The following FRMD5 variants were observed in gnomAD, a reference collection of about 807,000 sequenced individuals.
FRMD5 encodes FERM domain-containing protein 5.
FRMD5 carries 20 observed loss-of-function variants against 69.0 expected under a neutral mutation model. That is an observed-to-expected ratio of 0.29 (90% CI 0.20 to 0.42). FRMD5 has a LOEUF of 0.42. Ranked by LOEUF, FRMD5 falls within the 10% of genes least tolerant of loss-of-function variation. The pLI is 1.00. For synonymous variants in FRMD5, 271 were observed against 260.1 expected (o/e 1.04, Z -0.40); for missense variants, 595 against 708.6 (o/e 0.84, Z 1.82).
At chr15:43,915,655 A>G (rs969509015) in intron 4 of FRMD5, among the ~76,000 whole-genome samples, 1 of 152,184 alleles carries the variant, frequency 6.6e-6, no homozygotes, top group Non-Finnish European at 1.5e-5. Flanking sequence ...AAATCTGTTT[A>G]TTACTTTAAA....
intron 1 of FRMD5, among the ~76,000 whole-genome samples, chr15:44,024,913 A>G (rs1365202707): frequency 6.6e-6 from 1 of 152,186 alleles, no homozygotes; most frequent in East Asian, 1.9e-4. Context: ...TCCTCACTCA[A>G]TTCATAAGTG....
At chr15:44,092,743 TC>T (rs1388441271) in intron 1 of FRMD5, among the ~76,000 whole-genome samples, 9 of 152,064 alleles carry the variant, frequency 5.9e-5, no homozygotes, top group Admixed American at 2.0e-4. Context: ...CAGAATCCTC[TC>T]CCACCTCTAC....
At chr15:44,131,720 T>C (rs1359958120) in intron 1 of FRMD5, among the ~76,000 whole-genome samples, 1 of 44,448 alleles carries the variant, frequency 2.2e-5, no homozygotes, top group African/African-American at 4.5e-5. Flanking sequence ...AATCCACCTA[T>C]ATAAGGTACT....
chr15:44,044,818 T>C (rs936904428), intron 1 of FRMD5, among the ~76,000 whole-genome samples: 5 of 152,136 alleles, frequency 3.3e-5, no homozygotes, highest in Non-Finnish European at 5.9e-5. Flanking sequence ...TGTAAATGAC[T>C]GGTTGATGGG....
intron 1 of FRMD5, among the ~76,000 whole-genome samples, chr15:43,926,128 A>G (rs2089581156): frequency 6.6e-6 from 1 of 152,238 alleles, no homozygotes; most frequent in South Asian, 2.1e-4. Context: ...AAGGTTTGCT[A>G]AAAGATTTCA....
intron 1 of FRMD5, among the ~76,000 whole-genome samples, chr15:43,993,500 A>G (rs1889782507): frequency 6.6e-6 from 1 of 152,110 alleles, no homozygotes; most frequent in Admixed American, 6.5e-5. Flanking sequence ...GCCCTAATAT[A>G]TTATTTACCC....
intron 1 of FRMD5, among the ~76,000 whole-genome samples, chr15:44,139,633 G>A (rs1447814856): frequency 1.4e-5 from 2 of 140,174 alleles, no homozygotes; most frequent in South Asian, 2.4e-4. Context: ...GGCTCATGCT[G>A]TAATTCCAGC....
intron 13 of FRMD5, among the ~76,000 whole-genome samples, chr15:43,878,635 C>T (rs142067067): frequency 6.6e-5 from 10 of 152,326 alleles, no homozygotes; most frequent in Non-Finnish European, 1.3e-4. Context: ...CAGCATATTG[C>T]TTGCTTGGCT....
intron 1 of FRMD5, among the ~76,000 whole-genome samples, chr15:43,951,961 A>ATGTGTGTGTGTGTGTGTGTTG (rs1327153631): frequency 9.0e-6 from 1 of 111,684 alleles, no homozygotes; most frequent in South Asian, 2.7e-4. Context: ...CTGTATGTGC[A>ATGTGTGTGTGTGTGTGTGTTG]TGTGTGTGTG....
chr15:43,892,248 C>T (rs1363941937), intron 7 of FRMD5, among the ~76,000 whole-genome samples, 179 bp from the exon 8 acceptor site: 3 of 152,210 alleles, frequency 2.0e-5, no homozygotes, highest in African/African-American at 4.8e-5. Context: ...TTGCCAGCCG[C>T]ATGACTACAG....
intron 1 of FRMD5, chr15:43,989,861 C>T (rs1319400312): frequency 9.7e-7 from 1 of 1,026,402 alleles, no homozygotes; most frequent in Non-Finnish European, 1.5e-6. Context: ...CTCAGGGGGA[C>T]CTTGGTCAGC....
At chr15:44,062,242 T>C (rs1393030863) in intron 1 of FRMD5, among the ~76,000 whole-genome samples, 1 of 152,198 alleles carries the variant, frequency 6.6e-6, no homozygotes, top group Non-Finnish European at 1.5e-5. Flanking sequence ...TTTATAAAAA[T>C]TTAAGTCCCA....
intron 1 of FRMD5, among the ~76,000 whole-genome samples, chr15:43,964,891 T>C (rs1440158006): frequency 6.6e-6 from 1 of 151,938 alleles, no homozygotes; most frequent in African/African-American, 2.4e-5. Flanking sequence ...AGACTCGGAG[T>C]TGGCAAACTT....
Position 44,069,135 on chromosome 15 carries a change from C to A in FRMD5, c.102+125818G>T, listed in dbSNP as rs76391019. Among the ~76,000 whole-genome samples, 1,200 of 152,268 alleles carry A rather than the reference C, an allele frequency of 7.9e-3. 16 individuals are homozygous for A. Among genetic ancestry groups the A allele is most frequent in the African/African-American group, 0.028 (1,159 of 41,542 alleles). ...AACTTAAAACCATGAAATATCACTACACACCTATCAGGATGGCTAAAATAA... is the reference window on the plus strand; with the variant it reads ...AACTTAAAACCATGAAATATCACTAAACACCTATCAGGATGGCTAAAATAA... On this transcript the variant is annotated intron_variant, in intron 1 of 13. Coordinates refer to ENST00000417257, the MANE Select transcript of FRMD5 (RefSeq NM_032892.5).
intron 1 of FRMD5, among the ~76,000 whole-genome samples, chr15:44,167,139 T>C (rs1263941365): frequency 1.3e-5 from 2 of 152,184 alleles, no homozygotes; most frequent in Non-Finnish European, 2.9e-5. Context: ...TCATATTGGC[T>C]GCCCAGAGCG....
At chr15:44,183,389 G>T (rs755700150) in intron 1 of FRMD5, among the ~76,000 whole-genome samples, 4 of 152,178 alleles carry the variant, frequency 2.6e-5, no homozygotes, top group Admixed American at 6.5e-5. Flanking sequence ...TGTGAAAGAT[G>T]TGAATGGGCC....
At chr15:43,924,340 G>T in intron 1 of FRMD5, 31 bp from the exon 2 acceptor site, 1 of 1,509,196 alleles carries the variant, frequency 6.6e-7, no homozygotes, top group South Asian at 1.2e-5. Flanking sequence ...ATTGAGAAAT[G>T]AGTGGGTTTC....
intron 1 of FRMD5, among the ~76,000 whole-genome samples, chr15:43,928,386 T>G (rs1003767981): frequency 1.3e-5 from 2 of 152,190 alleles, no homozygotes; most frequent in African/African-American, 4.8e-5. Context: ...TAGAATCAAC[T>G]TAGAGCTCTG....
At chr15:43,910,572 C>CAAAAAA (rs1167867396) in intron 4 of FRMD5, among the ~76,000 whole-genome samples, 1,251 of 40,170 alleles carry the variant, frequency 0.031, 85 homozygotes, top group African/African-American at 0.047. Flanking sequence ...GACCTTGTCT[C>CAAAAAA]AAAAAAAAAA....
Sources: allele counts gnomAD v4.1 joint callset (sites outside exome capture counted in the v4.1 genomes callset), GRCh38; gene constraint gnomAD v4.1.1; transcripts MANE v1.5; gene names NCBI Gene and HGNC (gene_info 2026-07-23, HGNC 2026-07-21).